The following XKR6 variants were observed in gnomAD, a reference collection of about 807,000 sequenced individuals.
The protein encoded by XKR6 is XK-related protein 6.
In XKR6, 22 loss-of-function variants were observed where a neutral mutation model predicts 56.7. The ratio of observed to expected loss-of-function variants is 0.39; its 90% CI spans 0.28 to 0.55. XKR6 has a LOEUF of 0.55. Ranked by LOEUF, XKR6 falls within the 20% of genes least tolerant of loss-of-function variation. The pLI is 0.66. For synonymous variants in XKR6, 524 were observed against 387.8 expected, an observed-to-expected ratio of 1.35 and a Z score of -4.13; for missense variants, 852 against 889.0, an observed-to-expected ratio of 0.96 and a Z score of 0.53.
At chr8:11,160,843 C>T (rs774425131) in intron 1 of XKR6, among the ~76,000 whole-genome samples, 7 of 128,336 alleles carry the variant, frequency 5.5e-5, no homozygotes, top group African/African-American at 1.8e-4. Flanking sequence ...ACCCGGGAGG[C>T]GGAGGTTGCA....
chr8:11,131,884 G>C (rs1236780022), intron 1 of XKR6, among the ~76,000 whole-genome samples: 2 of 152,190 alleles, frequency 1.3e-5, no homozygotes, highest in Non-Finnish European at 2.9e-5. Flanking sequence ...GTGTGCAGTA[G>C]ACTATACCAT....
chr8:10,975,640 G>T (rs1208328346), intron 1 of XKR6, among the ~76,000 whole-genome samples: 2 of 152,218 alleles, frequency 1.3e-5, no homozygotes, highest in Non-Finnish European at 2.9e-5. Flanking sequence ...GGAGACATCT[G>T]TCCCAGTGAG....
At chr8:11,107,005 G>A (rs1467556606) in intron 1 of XKR6, among the ~76,000 whole-genome samples, 1 of 152,044 alleles carries the variant, frequency 6.6e-6, no homozygotes, top group Non-Finnish European at 1.5e-5. Flanking sequence ...AACTCTTTAA[G>A]GCAACTGAAA....
intron 1 of XKR6, among the ~76,000 whole-genome samples, chr8:11,192,845 C>T (rs1803655771): frequency 6.6e-6 from 1 of 152,168 alleles, no homozygotes; most frequent in African/African-American, 2.4e-5. Flanking sequence ...CTTGAAGAAA[C>T]ACAGCTGAAG....
intron 1 of XKR6, among the ~76,000 whole-genome samples, chr8:11,125,323 C>G (rs1160189154): frequency 6.6e-6 from 1 of 152,050 alleles, no homozygotes; most frequent in East Asian, 1.9e-4. Context: ...GACCCTAGAA[C>G]CCCGCACAAT....
chr8:11,188,031 T>TA (rs1046024189), intron 1 of XKR6, among the ~76,000 whole-genome samples: 18 of 152,226 alleles, frequency 1.2e-4, no homozygotes, highest in Non-Finnish European at 8.8e-5. Flanking sequence ...AATCCTGTTT[T>TA]TTTTTCTACA....
At chr8:11,090,686 G>C (rs1016763734) in intron 1 of XKR6, among the ~76,000 whole-genome samples, 1 of 152,124 alleles carries the variant, frequency 6.6e-6, no homozygotes, top group African/African-American at 2.4e-5. Flanking sequence ...TTCCTCTTCA[G>C]AAAGTGCCTG....
Position 11,201,043 on chromosome 8 carries a change from C to A in XKR6, c.297G>T (p.Ala99=). 13 of 1,209,320 alleles carry A rather than the reference C, an allele frequency of 1.1e-5. No homozygotes were observed. The highest frequency in any genetic ancestry group is 1.6e-5 in the African/African-American group (1 of 62,632). 74.9% of individuals were successfully genotyped at this position (1,209,320 alleles called of 1,614,324 possible). ...GGGGTTGGCGGCCGGCGCCGGGGGC[C>A]GCGGGAGGCTGCAGCGGCTGGTCCC... ...DGGDQPLQPP[A]APGAGRQPPT... The change falls in exon 1 of 3, where the codon GCG becomes GCT. Residue 99 remains alanine (A), a synonymous_variant. Coordinates refer to ENST00000416569, the MANE Select transcript of XKR6 (RefSeq NM_173683.4).
chr8:11,185,169 C>A (rs139031814), intron 1 of XKR6, among the ~76,000 whole-genome samples: 1 of 152,134 alleles, frequency 6.6e-6, no homozygotes, highest in Non-Finnish European at 1.5e-5. Context: ...TGGTGCCCGC[C>A]GTGTGCCCTG....
chr8:11,004,554 T>C (rs1397004832), intron 1 of XKR6, among the ~76,000 whole-genome samples: 1 of 152,184 alleles, frequency 6.6e-6, no homozygotes, highest in Non-Finnish European at 1.5e-5. Context: ...ATTATCCTGA[T>C]GTTTACAAAA....
chr8:10,937,755 C>CGTTCTCA (rs774449160), intron 1 of XKR6, among the ~76,000 whole-genome samples: 105 of 146,348 alleles, frequency 7.2e-4, no homozygotes, highest in Non-Finnish European at 1.4e-3. Flanking sequence ...GCAGTCTGCC[C>CGTTCTCA]GTTCTCAGAT....
chr8:11,011,658 A>G (rs979045086), intron 1 of XKR6, among the ~76,000 whole-genome samples: 1 of 152,224 alleles, frequency 6.6e-6, no homozygotes, highest in Non-Finnish European at 1.5e-5. Flanking sequence ...GTTGCAGAGA[A>G]GGATAGAGCA....
At chr8:11,046,931 G>A (rs1272867980) in intron 1 of XKR6, among the ~76,000 whole-genome samples, 1 of 152,160 alleles carries the variant, frequency 6.6e-6, no homozygotes, top group Non-Finnish European at 1.5e-5. Flanking sequence ...GCTTATGTGT[G>A]GAATCTAAAC....
At chr8:10,940,330 A>C (rs1801348248) in intron 1 of XKR6, among the ~76,000 whole-genome samples, 1 of 152,206 alleles carries the variant, frequency 6.6e-6, no homozygotes, top group South Asian at 2.1e-4. Context: ...CGAGAATGCC[A>C]CATAGCTCAT....
intron 1 of XKR6, among the ~76,000 whole-genome samples, chr8:11,115,647 T>A (rs549276504): frequency 2.0e-4 from 29 of 146,784 alleles, no homozygotes; most frequent in African/African-American, 7.3e-4. Context: ...ACCAAAAAAA[T>A]GTCAAAATAT....
chr8:10,933,035 C>G (rs1167470102), intron 1 of XKR6, among the ~76,000 whole-genome samples: 2 of 152,020 alleles, frequency 1.3e-5, no homozygotes, highest in Admixed American at 6.5e-5. Context: ...AGTTTACAGT[C>G]CCACCAACAG....
At position 11,188,506 on chromosome 8, in the gene XKR6, T is replaced by TA. The variant is rs1414201152; in HGVS notation, c.764+12069dup. ...TCTTCCCTTCCAACCCACAGCCATA[T>TA]ATACCATCACCCTCTAGGCCCAACC... On this transcript the variant is annotated intron_variant, in intron 1 of 2. Transcript: ENST00000416569. Among the ~76,000 whole-genome samples the TA allele has an allele frequency of 2.0e-5, 3 of 152,334 alleles. No individual in the cohort carries two copies. The East Asian group carries it at 5.8e-4, about 29-fold the overall frequency.
At chr8:11,002,733 C>T (rs1028383614) in intron 1 of XKR6, among the ~76,000 whole-genome samples, 1 of 152,234 alleles carries the variant, frequency 6.6e-6, no homozygotes, top group Admixed American at 6.5e-5. Flanking sequence ...TCTTCTTCCA[C>T]CACCATCATA....
intron 1 of XKR6, among the ~76,000 whole-genome samples, chr8:11,080,207 G>C (rs6601557): frequency 6.6e-6 from 1 of 151,302 alleles, no homozygotes; most frequent in Non-Finnish European, 1.5e-5. Flanking sequence ...TTTGCCTTAA[G>C]AGAAAACCCT....
Sources: allele counts gnomAD v4.1 joint callset (sites outside exome capture counted in the v4.1 genomes callset), GRCh38; gene constraint gnomAD v4.1.1; transcripts MANE v1.5; gene names NCBI Gene and HGNC (gene_info 2026-07-23, HGNC 2026-07-21).